The following MEGF11 variants were observed in gnomAD, a reference collection of about 807,000 sequenced individuals.
MEGF11 encodes the protein multiple epidermal growth factor-like domains protein 11.
MEGF11 carries 126 observed loss-of-function variants against 146.6 expected under a neutral mutation model. The ratio of observed to expected loss-of-function variants is 0.86; its 90% CI spans 0.74 to 1.00. The LOEUF is 1.00. Among genes scored for constraint, MEGF11 ranks in the 50% least tolerant of loss-of-function variants. The probability of loss-of-function intolerance (pLI) is 0.00; values close to 1 mark genes in which losing one functional copy is unlikely to be tolerated. For missense variants in MEGF11, 1,509 were observed against 1,521.2 expected (o/e 0.99, Z 0.13); for synonymous variants, 532 against 583.4 (o/e 0.91, Z 1.27).
chr15:65,934,312 C>T (rs1165161445), intron 10 of MEGF11, among the ~76,000 whole-genome samples: 2 of 152,188 alleles, frequency 1.3e-5, no homozygotes, highest in Non-Finnish European at 2.9e-5. Flanking sequence ...AGTGCAGTGG[C>T]ACGATCTTGG....
intron 5 of MEGF11, among the ~76,000 whole-genome samples, chr15:66,042,867 A>G (rs2084044456): frequency 2.0e-5 from 3 of 152,060 alleles, no homozygotes; most frequent in Admixed American, 1.3e-4. Context: ...CCTCATCTTA[A>G]TTTAACTGAT....
Position 66,164,057 on chromosome 15 carries a change from G to C in MEGF11, c.-8-35646C>G, listed in dbSNP as rs370654622. ...GGTGTTGAGTGGGCAGATGAGAGAA[G>C]GTTGTCTACCTGGGGGCAGGGTTGT... On this transcript the variant is annotated intron_variant, in intron 1 of 25. Coordinates refer to ENST00000395614, the MANE Select transcript of MEGF11 (RefSeq NM_001385028.1). Among the ~76,000 whole-genome samples, 3 of 152,180 alleles carry C rather than the reference G, an allele frequency of 2.0e-5. No individual in the cohort carries two copies. The East Asian group carries it at 5.8e-4, about 29-fold the overall frequency.
intron 24 of MEGF11, among the ~76,000 whole-genome samples, chr15:65,899,862 C>A (rs116651608): frequency 5.0e-4 from 76 of 152,278 alleles, no homozygotes; most frequent in African/African-American, 1.7e-3. Flanking sequence ...GTTGTACCAT[C>A]CCCGAGACTT....
chr15:66,211,824 G>A (rs1053639792), intron 1 of MEGF11, among the ~76,000 whole-genome samples: 2 of 151,824 alleles, frequency 1.3e-5, no homozygotes, highest in African/African-American at 4.8e-5. Context: ...GCTACGCTAA[G>A]GCTCATTTCA....
At chr15:65,948,439 C>T (rs754636899) in intron 10 of MEGF11, among the ~76,000 whole-genome samples, 3 of 152,072 alleles carry the variant, frequency 2.0e-5, no homozygotes, top group African/African-American at 4.8e-5. Context: ...GTGCGCATAC[C>T]GACCCCGAAG....
At chr15:66,082,759 C>G (rs980217521) in intron 5 of MEGF11, among the ~76,000 whole-genome samples, 2 of 150,854 alleles carry the variant, frequency 1.3e-5, no homozygotes, top group African/African-American at 4.9e-5. Context: ...CCATCACCTT[C>G]CTCCTCCAAA....
intron 1 of MEGF11, among the ~76,000 whole-genome samples, chr15:66,200,775 G>A (rs1387180963): frequency 6.6e-6 from 1 of 152,188 alleles, no homozygotes; most frequent in Non-Finnish European, 1.5e-5. Context: ...CCAGCGGGGT[G>A]CAGAAGTGGG....
chr15:66,093,360 C>T (rs1567236748), intron 5 of MEGF11, among the ~76,000 whole-genome samples: 1 of 152,210 alleles, frequency 6.6e-6, no homozygotes. Flanking sequence ...AGGACAATAG[C>T]ACTACACTGG....
chr15:66,129,628 T>G (rs1391745577), intron 1 of MEGF11, among the ~76,000 whole-genome samples: 1 of 152,180 alleles, frequency 6.6e-6, no homozygotes, highest in Non-Finnish European at 1.5e-5. Flanking sequence ...GGTTCGCAGA[T>G]GAGGAAGCGC....
At chr15:66,211,271 C>T (rs2091437935) in intron 1 of MEGF11, among the ~76,000 whole-genome samples, 1 of 152,234 alleles carries the variant, frequency 6.6e-6, no homozygotes, top group Non-Finnish European at 1.5e-5. Flanking sequence ...CGCCTGTAAT[C>T]TCAGCACTTT....
chr15:65,901,004 A>G (rs557886011), intron 24 of MEGF11, among the ~76,000 whole-genome samples: 12 of 152,294 alleles, frequency 7.9e-5, no homozygotes, highest in Admixed American at 2.6e-4. Flanking sequence ...AACTTCATAT[A>G]TATTTTTATT....
intron 5 of MEGF11, among the ~76,000 whole-genome samples, chr15:66,012,093 T>A (rs1596988220): frequency 6.7e-6 from 1 of 150,100 alleles, no homozygotes; most frequent in Non-Finnish European, 1.5e-5. Context: ...CCAGGCGTGG[T>A]GGCACATACC....
chr15:66,186,320 A>T (rs1365684380), intron 1 of MEGF11, among the ~76,000 whole-genome samples: 1 of 152,166 alleles, frequency 6.6e-6, no homozygotes, highest in Non-Finnish European at 1.5e-5. Flanking sequence ...GGCAGCCAGC[A>T]GTGGTCTGTC....
intron 1 of MEGF11, among the ~76,000 whole-genome samples, chr15:66,243,385 C>A (rs2092247542): frequency 6.6e-6 from 1 of 152,240 alleles, no homozygotes; most frequent in Non-Finnish European, 1.5e-5. Context: ...GTCAGCCCAG[C>A]CCCAGGGTGA....
At chr15:65,911,778 A>G (rs2078817738) in intron 21 of MEGF11, among the ~76,000 whole-genome samples, 1 of 152,250 alleles carries the variant, frequency 6.6e-6, no homozygotes, top group African/African-American at 2.4e-5. Flanking sequence ...ATTATAGGTG[A>G]TAAAGCAAAT....
At chr15:65,948,084 C>G (rs944268842) in intron 10 of MEGF11, among the ~76,000 whole-genome samples, 1 of 152,196 alleles carries the variant, frequency 6.6e-6, no homozygotes. Flanking sequence ...GACAACATGA[C>G]TTAACCCCCT....
intron 1 of MEGF11, among the ~76,000 whole-genome samples, chr15:66,147,393 T>C (rs1470029662): frequency 6.6e-6 from 1 of 152,236 alleles, no homozygotes; most frequent in South Asian, 2.1e-4. Flanking sequence ...GGCAAGGCCC[T>C]GCACATGTAA....
chr15:66,040,046 A>G (rs969969565), intron 5 of MEGF11, among the ~76,000 whole-genome samples: 2 of 152,056 alleles, frequency 1.3e-5, no homozygotes, highest in Non-Finnish European at 1.5e-5. Flanking sequence ...ACCTCGTAGC[A>G]AGTGTCAGTT....
chr15:66,242,222 C>G (rs1156589475), intron 1 of MEGF11, among the ~76,000 whole-genome samples: 1 of 151,720 alleles, frequency 6.6e-6, no homozygotes, highest in East Asian at 1.9e-4. Context: ...GCCTGGGCAA[C>G]ACAGGGAGAC....
Sources: allele counts gnomAD v4.1 joint callset (sites outside exome capture counted in the v4.1 genomes callset), GRCh38; gene constraint gnomAD v4.1.1; transcripts MANE v1.5; gene names NCBI Gene and HGNC (gene_info 2026-07-23, HGNC 2026-07-21).